RALYL: variants seen among roughly 807,000 people sequenced by gnomAD.
The protein encoded by RALYL is RALY RNA binding protein like, also known as RNA-binding Raly-like protein.
RALYL carries 29 observed loss-of-function variants against 35.1 expected under a neutral mutation model. The observed-to-expected ratio is 0.83, with a 90% CI of 0.61 to 1.13. The LOEUF (loss-of-function observed/expected upper bound fraction) is 1.13. Ranked by LOEUF, RALYL falls within the 50% of genes most tolerant of loss-of-function variation. The probability of loss-of-function intolerance (pLI) is 0.00; values close to 1 mark genes in which losing one functional copy is unlikely to be tolerated. For synonymous variants in RALYL, 120 were observed against 127.6 expected, an observed-to-expected ratio of 0.94 and a Z score of 0.40; for missense variants, 359 against 360.4, an observed-to-expected ratio of 1.00 and a Z score of 0.03.
At chr8:84,373,603 C>G (rs375698870) in intron 1 of RALYL, among the ~76,000 whole-genome samples, 73 of 152,096 alleles carry the variant, frequency 4.8e-4, no homozygotes, top group African/African-American at 1.7e-3. Flanking sequence ...AAATACTATG[C>G]TGCTTCGGTT....
intron 2 of RALYL, among the ~76,000 whole-genome samples, chr8:84,622,250 G>A (rs1350281801): frequency 6.6e-6 from 1 of 152,126 alleles, no homozygotes; most frequent in Non-Finnish European, 1.5e-5. Context: ...AGAGAGTTAA[G>A]AGAAAGTCTC....
intron 1 of RALYL, among the ~76,000 whole-genome samples, chr8:84,310,342 G>A (rs1276712968): frequency 1.3e-5 from 2 of 150,734 alleles, no homozygotes; most frequent in South Asian, 4.2e-4. Context: ...CCTGGCATAT[G>A]TGTTTTTTTA....
chr8:84,779,869 C>T (rs548881269), intron 3 of RALYL, among the ~76,000 whole-genome samples: 58 of 152,244 alleles, frequency 3.8e-4, no homozygotes, highest in African/African-American at 1.3e-3. Flanking sequence ...CCTTGAATCA[C>T]CTAAAATGTT....
chr8:84,479,566 C>T (rs2053837869), intron 1 of RALYL, among the ~76,000 whole-genome samples: 1 of 152,178 alleles, frequency 6.6e-6, no homozygotes, highest in African/African-American at 2.4e-5. Context: ...TTAAAATGAT[C>T]AATTGATTGA....
Position 84,855,203 on chromosome 8 carries a change from G to A in RALYL, c.413+5176G>A, listed in dbSNP as rs184535741. Reference sequence around the variant, plus strand: ...GGCTGAGCCCAGCAGGGAGCTAGCTGCCCAACCCCAACCCTAACCCTCACC... The same window carrying A: ...GGCTGAGCCCAGCAGGGAGCTAGCTACCCAACCCCAACCCTAACCCTCACC... On this transcript the variant is annotated intron_variant, in intron 5 of 8. Coordinates refer to ENST00000521268, the MANE Select transcript of RALYL (RefSeq NM_173848.7). 1.7e-3 allele frequency among the ~76,000 whole-genome samples: 265 copies of A among 152,284 alleles called. 2 individuals are homozygous for A. The highest frequency in any genetic ancestry group is 6.8e-3 in the Middle Eastern group (2 of 294).
chr8:84,538,971 A>T (rs1359722147), intron 2 of RALYL, among the ~76,000 whole-genome samples: 1 of 152,220 alleles, frequency 6.6e-6, no homozygotes, highest in East Asian at 1.9e-4. Context: ...ACTCTAAAAT[A>T]TGTGGCAAAC....
chr8:84,642,661 G>A (rs1826618836), intron 2 of RALYL, among the ~76,000 whole-genome samples: 1 of 152,066 alleles, frequency 6.6e-6, no homozygotes, highest in Admixed American at 6.6e-5. Flanking sequence ...TCTTAAAGAG[G>A]ATGACAAACT....
At chr8:84,859,585 C>T (rs913061398) in intron 5 of RALYL, among the ~76,000 whole-genome samples, 5 of 152,184 alleles carry the variant, frequency 3.3e-5, no homozygotes, top group African/African-American at 4.8e-5. Flanking sequence ...CTTGGTGGCT[C>T]ATGCGTATAA....
At chr8:84,371,974 C>T (rs1372797846) in intron 1 of RALYL, among the ~76,000 whole-genome samples, 1 of 151,900 alleles carries the variant, frequency 6.6e-6, no homozygotes, top group Non-Finnish European at 1.5e-5. Flanking sequence ...TTGTGATTAG[C>T]AGAAGAGCTG....
intron 2 of RALYL, among the ~76,000 whole-genome samples, chr8:84,586,090 G>A (rs1181138782): frequency 6.6e-6 from 1 of 151,876 alleles, no homozygotes; most frequent in Non-Finnish European, 1.5e-5. Flanking sequence ...AGCTACTCAG[G>A]AAGCTGAGGC....
chr8:84,618,334 G>A (rs1292630966), intron 2 of RALYL, among the ~76,000 whole-genome samples: 1 of 151,762 alleles, frequency 6.6e-6, no homozygotes, highest in Admixed American at 6.6e-5. Context: ...GGGTGTATGT[G>A]TCGAGGAATT....
intron 1 of RALYL, among the ~76,000 whole-genome samples, chr8:84,488,737 A>G (rs751347367): frequency 5.9e-5 from 9 of 152,068 alleles, no homozygotes; most frequent in Non-Finnish European, 8.8e-5. Context: ...GTGCCTAAAA[A>G]GAACATTTTC....
intron 8 of RALYL, among the ~76,000 whole-genome samples, chr8:84,902,783 T>G (rs1043880200): frequency 6.6e-6 from 1 of 152,106 alleles, no homozygotes; most frequent in South Asian, 2.1e-4. Flanking sequence ...TTAAAGGAAG[T>G]TTTTTTGGGT....
At chr8:84,677,592 G>A (rs930888661) in intron 2 of RALYL, among the ~76,000 whole-genome samples, 7 of 152,058 alleles carry the variant, frequency 4.6e-5, no homozygotes, top group Non-Finnish European at 1.0e-4. Context: ...ATTTAAACTG[G>A]TGATAAAACT....
At chr8:84,529,216 C>T in intron 1 of RALYL, 83 bp from the exon 2 acceptor site, 1 of 1,422,522 alleles carries the variant, frequency 7.0e-7, no homozygotes, top group Non-Finnish European at 9.5e-7. Context: ...TATTGAAAAA[C>T]TGTTAAAAAG....
At chr8:84,912,371 T>C (rs1208663516) in intron 8 of RALYL, among the ~76,000 whole-genome samples, 1 of 151,974 alleles carries the variant, frequency 6.6e-6, no homozygotes, top group African/African-American at 2.4e-5. Context: ...AAATATATAT[T>C]CCTTATTATG....
chr8:84,222,285 A>C (rs528268856), intron 1 of RALYL, among the ~76,000 whole-genome samples: 1 of 152,262 alleles, frequency 6.6e-6, no homozygotes, highest in East Asian at 1.9e-4. Context: ...TATTGAACCA[A>C]TTATTTATTG....
At chr8:84,339,918 G>A (rs569278576) in intron 1 of RALYL, among the ~76,000 whole-genome samples, 1 of 152,110 alleles carries the variant, frequency 6.6e-6, no homozygotes, top group African/African-American at 2.4e-5. Flanking sequence ...ATCTTGAAGT[G>A]TAGCTTCTAT....
intron 1 of RALYL, among the ~76,000 whole-genome samples, chr8:84,446,885 C>A (rs932529860): frequency 6.6e-6 from 1 of 151,984 alleles, no homozygotes; most frequent in Admixed American, 6.6e-5. Flanking sequence ...TTTGGCAATG[C>A]CATACTGATA....
Sources: allele counts gnomAD v4.1 joint callset (sites outside exome capture counted in the v4.1 genomes callset), GRCh38; gene constraint gnomAD v4.1.1; transcripts MANE v1.5; gene names NCBI Gene and HGNC (gene_info 2026-07-23, HGNC 2026-07-21).